The following ADK variants were observed in gnomAD, a reference collection of about 807,000 sequenced individuals.
ADK encodes the protein N6,N6-dimethyladenosine kinase.
Under a neutral mutation model 44.7 loss-of-function variants are expected in ADK, and 24 were observed. The observed-to-expected ratio is 0.54, with a 90% CI of 0.39 to 0.76. ADK has a LOEUF of 0.76. Among genes scored for constraint, ADK ranks in the 30% least tolerant of loss-of-function variants. The pLI is 0.00. For missense variants in ADK, 321 were observed against 425.1 expected (o/e 0.76, Z 2.15); for synonymous variants, 128 against 142.6 (o/e 0.90, Z 0.73).
chr10:74,655,433 G>A (rs905016468), intron 9 of ADK: 4 of 426,078 alleles, frequency 9.4e-6, no homozygotes, highest in African/African-American at 2.1e-5. Context: ...GTAGAAGGAC[G>A]ATTTCATTGA....
At chr10:74,476,739 A>C (rs534687361) in intron 6 of ADK, among the ~76,000 whole-genome samples, 1 of 152,274 alleles carries the variant, frequency 6.6e-6, no homozygotes, top group East Asian at 1.9e-4. Flanking sequence ...CCTAATTGAT[A>C]TTTTTAAATT....
chr10:74,664,410 T>C (rs894341548), intron 9 of ADK, among the ~76,000 whole-genome samples: 3 of 151,950 alleles, frequency 2.0e-5, no homozygotes, highest in Admixed American at 6.6e-5. Context: ...GATTGGGAAG[T>C]AGAAGGAGCA....
intron 6 of ADK, among the ~76,000 whole-genome samples, chr10:74,476,954 T>C (rs1241441535): frequency 6.6e-6 from 1 of 152,174 alleles, no homozygotes; most frequent in Non-Finnish European, 1.5e-5. Context: ...TTCATTCTTA[T>C]TGTGTGAATC....
intron 9 of ADK, among the ~76,000 whole-genome samples, chr10:74,620,567 T>A (rs953100993): frequency 6.6e-6 from 1 of 152,234 alleles, no homozygotes; most frequent in Non-Finnish European, 1.5e-5. Context: ...TGAATAATGC[T>A]GTAGTAAACA....
At chr10:74,494,865 T>C (rs749881741) in intron 6 of ADK, among the ~76,000 whole-genome samples, 14 of 152,090 alleles carry the variant, frequency 9.2e-5, no homozygotes, top group Non-Finnish European at 1.5e-4. Flanking sequence ...ATTAACTTTC[T>C]GAGAAAAAAT....
At chr10:74,242,186 C>G (rs536460436) in intron 3 of ADK, among the ~76,000 whole-genome samples, 1 of 152,270 alleles carries the variant, frequency 6.6e-6, no homozygotes, top group East Asian at 1.9e-4. Context: ...TAATGGCAAG[C>G]ATGTTTTTTA....
chr10:74,381,742 T>C (rs961783992), intron 4 of ADK, among the ~76,000 whole-genome samples: 6 of 152,142 alleles, frequency 3.9e-5, no homozygotes, highest in African/African-American at 1.2e-4. Flanking sequence ...TGAGTGAAAA[T>C]ATCTTTGCTG....
chr10:74,303,924 G>A (rs1386117629), intron 3 of ADK, among the ~76,000 whole-genome samples: 4 of 150,478 alleles, frequency 2.7e-5, no homozygotes, highest in African/African-American at 9.8e-5. Flanking sequence ...AGCTGAGATC[G>A]CACCATTGCA....
chr10:74,589,120 G>T (rs949103506), intron 7 of ADK, among the ~76,000 whole-genome samples, 162 bp from the exon 8 acceptor site: 3 of 151,732 alleles, frequency 2.0e-5, no homozygotes, highest in African/African-American at 7.3e-5. Context: ...ATTATTCCAA[G>T]GGAAAAAAGA....
At chr10:74,631,209 C>G (rs1301241936) in intron 9 of ADK, among the ~76,000 whole-genome samples, 2 of 151,412 alleles carry the variant, frequency 1.3e-5, no homozygotes, top group Admixed American at 6.6e-5. Flanking sequence ...ACATCTATAT[C>G]TGTGTCTATA....
At position 74,356,002 on chromosome 10, in the gene ADK, A is replaced by ATAT. The variant is rs57958159; in HGVS notation, c.274-38138_274-38137insATT. Among the ~76,000 whole-genome samples the ATAT allele has an allele frequency of 5.1e-3, 428 of 83,322 alleles. 50 individuals are homozygous for ATAT. Among genetic ancestry groups the ATAT allele is most frequent in the African/African-American group, 0.02 (397 of 19,632 alleles). The allele number at this position is 83,322 out of a possible 152,430, so 54.7% of individuals were successfully genotyped here. ...TCTGAAATATTTCACTAAATAATTC[A>ATAT]TTTTTTTTTTTTTTTTTTTTTTTTT... On this transcript the variant is annotated intron_variant, in intron 4 of 10. Transcript: ENST00000539909.
At chr10:74,211,150 G>T (rs1251082916) in intron 2 of ADK, among the ~76,000 whole-genome samples, 1 of 152,168 alleles carries the variant, frequency 6.6e-6, no homozygotes, top group Non-Finnish European at 1.5e-5. Context: ...CTCCCAAAGT[G>T]CTGGGATTAC....
chr10:74,193,068 G>A (rs1386013001), intron 1 of ADK, among the ~76,000 whole-genome samples: 1 of 152,020 alleles, frequency 6.6e-6, no homozygotes, highest in Non-Finnish European at 1.5e-5. Context: ...TACATATTTT[G>A]TATTGTTACC....
intron 3 of ADK, among the ~76,000 whole-genome samples, chr10:74,260,878 A>G (rs1233826967): frequency 2.0e-5 from 3 of 152,208 alleles, no homozygotes; most frequent in Admixed American, 6.5e-5. Flanking sequence ...ACAGTCTCCT[A>G]TCCTACCCTG....
intron 9 of ADK, among the ~76,000 whole-genome samples, chr10:74,637,411 A>G (rs1009006518): frequency 6.6e-6 from 1 of 152,254 alleles, no homozygotes; most frequent in African/African-American, 2.4e-5. Context: ...AAGAAAAAAC[A>G]GAATTGCAGA....
At chr10:74,262,313 C>CA (rs35282438) in intron 3 of ADK, among the ~76,000 whole-genome samples, 2,642 of 107,480 alleles carry the variant, frequency 0.025, 77 homozygotes, top group African/African-American at 0.075. Context: ...GACTTCATCT[C>CA]AAAAAAAAAA....
At chr10:74,659,710 C>T (rs1854627355) in intron 9 of ADK, among the ~76,000 whole-genome samples, 1 of 152,196 alleles carries the variant, frequency 6.6e-6, no homozygotes, top group Admixed American at 6.5e-5. Context: ...GTCCGAGTCT[C>T]AAAGCTGAAG....
At chr10:74,556,114 A>G (rs1430064903) in intron 7 of ADK, among the ~76,000 whole-genome samples, 1 of 152,238 alleles carries the variant, frequency 6.6e-6, no homozygotes, top group Non-Finnish European at 1.5e-5. Flanking sequence ...TTTTATTCTA[A>G]TAAGTCATAC....
chr10:74,353,570 TAAAA>T (rs36030657), intron 4 of ADK, among the ~76,000 whole-genome samples: 12 of 135,436 alleles, frequency 8.9e-5, no homozygotes, highest in African/African-American at 1.4e-4. Flanking sequence ...AACTTAAAGT[TAAAA>T]AAAAAAAAAA....
Sources: gnomAD v4.1 joint callset for allele counts (sites outside exome capture counted in the v4.1 genomes callset) on GRCh38, gnomAD v4.1.1 for gene constraint, MANE v1.5 for transcripts, NCBI Gene and HGNC (gene_info 2026-07-23, HGNC 2026-07-21) for gene names.